RETREG1: variants seen among roughly 807,000 people sequenced by gnomAD.
RETREG1 encodes the protein reticulophagy regulator 1.
A neutral mutation model predicts 54.8 loss-of-function variants in RETREG1; 44 were observed. That is an observed-to-expected ratio of 0.80 (90% CI 0.63 to 1.03). RETREG1 has a LOEUF of 1.03. Ranked by LOEUF, RETREG1 falls within the 50% of genes least tolerant of loss-of-function variation. RETREG1 has a pLI of 0.00. For synonymous variants in RETREG1, 217 were observed against 238.5 expected (o/e 0.91, Z 0.83); for missense variants, 554 against 605.1 (o/e 0.92, Z 0.89).
At chr5:16,528,861 A>T (rs1740822105) in intron 3 of RETREG1, among the ~76,000 whole-genome samples, 1 of 152,196 alleles carries the variant, frequency 6.6e-6, no homozygotes, top group Non-Finnish European at 1.5e-5. Context: ...CCATTGTGGC[A>T]TCAAAGCAGC....
At chr5:16,484,001 C>A (rs1391167843) in intron 3 of RETREG1, among the ~76,000 whole-genome samples, 2 of 151,916 alleles carry the variant, frequency 1.3e-5, no homozygotes, top group East Asian at 1.9e-4. Flanking sequence ...TTTAGAGAAA[C>A]CTTGGAATTA....
chr5:16,500,997 C>A (rs1325706412), intron 3 of RETREG1, among the ~76,000 whole-genome samples: 1 of 152,060 alleles, frequency 6.6e-6, no homozygotes, highest in Non-Finnish European at 1.5e-5. Flanking sequence ...TATATTATGT[C>A]TGGCAATCAG....
chr5:16,603,255 TA>T (rs996992542), intron 1 of RETREG1, among the ~76,000 whole-genome samples: 9 of 152,214 alleles, frequency 5.9e-5, no homozygotes, highest in Non-Finnish European at 1.2e-4. Flanking sequence ...ATATATTCTG[TA>T]ATTGCAGCTT....
intron 1 of RETREG1, among the ~76,000 whole-genome samples, chr5:16,589,503 T>A (rs1271935061): frequency 6.6e-6 from 1 of 152,108 alleles, no homozygotes; most frequent in East Asian, 1.9e-4. Context: ...GCCTCCTGAG[T>A]AGGTGGCATG....
intron 2 of RETREG1, 39 bp downstream of exon 2, chr5:16,571,957 A>G: frequency 6.7e-7 from 1 of 1,489,632 alleles, no homozygotes; most frequent in Non-Finnish European, 9.4e-7. Flanking sequence ...AGGGTCTAGA[A>G]AATTAAATAC....
chr5:16,510,587 C>G (rs761390648), intron 3 of RETREG1, among the ~76,000 whole-genome samples: 1 of 151,774 alleles, frequency 6.6e-6, no homozygotes, highest in Non-Finnish European at 1.5e-5. Context: ...GTTAGGAGTT[C>G]GAGACCAGCC....
chr5:16,546,028 C>A (rs1741377027), intron 3 of RETREG1, among the ~76,000 whole-genome samples: 1 of 152,176 alleles, frequency 6.6e-6, no homozygotes, highest in Non-Finnish European at 1.5e-5. Context: ...ATGAGAGAAT[C>A]CCGATTTTAT....
intron 3 of RETREG1, among the ~76,000 whole-genome samples, chr5:16,520,123 G>C (rs1373145851): frequency 6.6e-6 from 1 of 152,152 alleles, no homozygotes; most frequent in Non-Finnish European, 1.5e-5. Context: ...AGCCCGGTGG[G>C]AGAGAAGGCC....
chr5:16,495,297 G>A (rs1232298258), intron 3 of RETREG1, among the ~76,000 whole-genome samples: 1 of 152,218 alleles, frequency 6.6e-6, no homozygotes, highest in Admixed American at 6.5e-5. Context: ...CCCATTTTTA[G>A]GGGAGGAATT....
chr5:16,608,059 T>A (rs1743244973), intron 1 of RETREG1, among the ~76,000 whole-genome samples: 1 of 152,066 alleles, frequency 6.6e-6, no homozygotes, highest in African/African-American at 2.4e-5. Context: ...TTTGTATTTT[T>A]AATAGAGATG....
rs771952054 is a variant in RETREG1, at chr5:16,500,295, C to T, written c.459-16823G>A. ...ATGCATTGCTACATCCAGGTTTTGC[C>T]GCATGCCTTTATCAATTTGGGATTC... On this transcript the variant is annotated intron_variant, in intron 3 of 8. Transcript: ENST00000306320. 2.6e-5 allele frequency among the ~76,000 whole-genome samples: 4 copies of T among 152,142 alleles called. 1 individual carries two copies. Among genetic ancestry groups the T allele is most frequent in the African/African-American group, 4.8e-5 (2 of 41,420 alleles).
chr5:16,501,959 CTT>C (rs34047511), intron 3 of RETREG1, among the ~76,000 whole-genome samples: 71 of 136,560 alleles, frequency 5.2e-4, no homozygotes, highest in African/African-American at 5.7e-4. Flanking sequence ...ATTAAGTAAG[CTT>C]TTTTTTTTTT....
At chr5:16,556,999 T>G (rs1741727775) in intron 3 of RETREG1, among the ~76,000 whole-genome samples, 1 of 152,166 alleles carries the variant, frequency 6.6e-6, no homozygotes, top group South Asian at 2.1e-4. Flanking sequence ...CTGGCTAATT[T>G]TTGTGTTTTT....
At chr5:16,541,281 T>C (rs1367846394) in intron 3 of RETREG1, among the ~76,000 whole-genome samples, 1 of 152,164 alleles carries the variant, frequency 6.6e-6, no homozygotes, top group Non-Finnish European at 1.5e-5. Context: ...GAGCAATAAA[T>C]TTCCATTGTT....
intron 3 of RETREG1, among the ~76,000 whole-genome samples, chr5:16,524,406 T>C (rs951476340): frequency 2.6e-5 from 4 of 152,186 alleles, no homozygotes; most frequent in Non-Finnish European, 5.9e-5. Flanking sequence ...CACTAGTCCT[T>C]ACCTTTCATG....
In RETREG1 at chr5:16,612,810, G is replaced by A. The variant is rs574441867; in HGVS notation, c.320+3842C>T. On this transcript the variant is annotated intron_variant, in intron 1 of 8. Coordinates refer to ENST00000306320, the MANE Select transcript of RETREG1 (RefSeq NM_001034850.3). ...TAAGAATGCATATGTGTGTGTGTGTGCCTGCACGTCTCGGATTCGAGAATG... is the reference window on the plus strand; with the variant it reads ...TAAGAATGCATATGTGTGTGTGTGTACCTGCACGTCTCGGATTCGAGAATG... Among the ~76,000 whole-genome samples, 14 of 152,158 alleles carry A rather than the reference G, an allele frequency of 9.2e-5. No homozygotes were observed. In the East Asian group the frequency reaches 9.7e-4, roughly 10 times the overall value.
Position 16,577,296 on chromosome 5 carries a change from T to G in RETREG1, c.321-5194A>C, listed in dbSNP as rs543012506. On this transcript the variant is annotated intron_variant, in intron 1 of 8. Coordinates refer to ENST00000306320, the MANE Select transcript of RETREG1 (RefSeq NM_001034850.3). Reference sequence around the variant, plus strand: ...TTGATAAGACTTAGGTTTGTTTTTTTTTTTTTTCCCTCTAAAACCCAAAGA... The same window carrying G: ...TTGATAAGACTTAGGTTTGTTTTTTGTTTTTTTCCCTCTAAAACCCAAAGA... 9.3e-4 allele frequency among the ~76,000 whole-genome samples: 141 copies of G among 152,068 alleles called. 1 individual carries two copies. Among genetic ancestry groups the G allele is most frequent in the African/African-American group, 3.2e-3 (131 of 41,458 alleles).
chr5:16,611,257 G>A (rs1279199007), intron 1 of RETREG1, among the ~76,000 whole-genome samples: 3 of 152,180 alleles, frequency 2.0e-5, no homozygotes, highest in Non-Finnish European at 4.4e-5. Context: ...CCTGTCATGG[G>A]GTCGGGGGAG....
At chr5:16,614,506 T>C (rs1324613804) in intron 1 of RETREG1, among the ~76,000 whole-genome samples, 1 of 152,112 alleles carries the variant, frequency 6.6e-6, no homozygotes, top group Non-Finnish European at 1.5e-5. Flanking sequence ...GATCAAAAAG[T>C]TTCATAAAAT....
Sources: gnomAD v4.1 joint callset for allele counts (sites outside exome capture counted in the v4.1 genomes callset) on GRCh38, gnomAD v4.1.1 for gene constraint, MANE v1.5 for transcripts, NCBI Gene and HGNC (gene_info 2026-07-23, HGNC 2026-07-21) for gene names.